SLC25A13: variants seen among roughly 807,000 people sequenced by gnomAD.
SLC25A13 encodes the protein solute carrier family 25 member 13.
A neutral mutation model predicts 85.5 loss-of-function variants in SLC25A13; 70 were observed. The observed-to-expected ratio is 0.82, with a 90% CI of 0.68 to 1.00. The LOEUF is 1.00. SLC25A13 is among the 50% of genes least tolerant of loss of function. The pLI, the probability that SLC25A13 is intolerant of heterozygous loss-of-function variation, is 0.00. For missense variants in SLC25A13, 765 were observed against 819.8 expected (o/e 0.93, Z 0.82); for synonymous variants, 259 against 288.7 (o/e 0.90, Z 1.04).
chr7:96,225,746 G>A (rs970536482), intron 4 of SLC25A13, among the ~76,000 whole-genome samples: 1 of 152,010 alleles, frequency 6.6e-6, no homozygotes, highest in Non-Finnish European at 1.5e-5. Context: ...TGCATCTTTG[G>A]TCACTCCTCT....
rs1002319858 is a variant in SLC25A13 at position 96,189,804 on chromosome 7, T to C, written c.755-130A>G. 7.9e-5 allele frequency: 65 copies of C among 824,296 alleles called. 1 individual carries two copies. Among genetic ancestry groups the C allele is most frequent in the South Asian group, 7.1e-4 (51 of 71,714 alleles). 51.1% of individuals were successfully genotyped at this position (824,296 alleles called of 1,614,324 possible). On this transcript the variant is annotated intron_variant, in intron 7 of 17. Coordinates refer to ENST00000265631, the MANE Select transcript of SLC25A13 (RefSeq NM_014251.3). ...ATTATCATCAGTTGTAGAATTCAAG[T>C]CAATCCAAATAAGGTAAGAATTTTT...
chr7:96,121,405 G>C, intron 17 of SLC25A13, 28 bp from the exon 18 acceptor site: 1 of 1,612,278 alleles, frequency 6.2e-7, no homozygotes, highest in South Asian at 1.1e-5. Flanking sequence ...AGAGTAAGAA[G>C]CTGTATTTTT....
chr7:96,157,377 A>C (rs770339543), intron 13 of SLC25A13, among the ~76,000 whole-genome samples: 1 of 152,184 alleles, frequency 6.6e-6, no homozygotes, highest in Admixed American at 6.5e-5. Context: ...ACATGCTTCT[A>C]TAAGCTTGAT....
chr7:96,138,520 C>T (rs1276203195), intron 14 of SLC25A13, among the ~76,000 whole-genome samples: 1 of 151,896 alleles, frequency 6.6e-6, no homozygotes, highest in Non-Finnish European at 1.5e-5. Context: ...CTCAGCCTCC[C>T]AAGTAGCTGG....
rs565061815 is a variant in SLC25A13, at chr7:96,308,517, G to A, written c.16-11566C>T. Among the ~76,000 whole-genome samples, 3 of 152,310 alleles carry A rather than the reference G, an allele frequency of 2.0e-5. No individual in the cohort carries two copies. In the South Asian group the frequency reaches 6.2e-4, roughly 32 times the overall value. On this transcript the variant is annotated intron_variant, in intron 1 of 17. Transcript: ENST00000265631. ...GGGGTTGAGCAACAAAAATTAAACT[G>A]GCTCCCTACCTTTCATCTTATACCA...
intron 14 of SLC25A13, 111 bp from the exon 15 acceptor site, chr7:96,131,992 T>G (rs1447433493): frequency 6.6e-6 from 9 of 1,362,066 alleles, no homozygotes; most frequent in Non-Finnish European, 8.3e-6. Context: ...AGACCAAATT[T>G]GTACTCACAC....
chr7:96,184,401 A>G lies in SLC25A13; in HGVS notation c.1053T>C (p.Leu351=). 2 of 1,614,200 alleles carry G rather than the reference A, an allele frequency of 1.2e-6. No homozygotes were observed. Among genetic ancestry groups the G allele is most frequent in the African/African-American group, 2.7e-5 (2 of 75,068 alleles). The part of the protein sequence containing the change: ...VGATAVYPID[L]VKTRMQNQRS... ...GTTGGTTCTGCATTCGAGTTTTTAC[A>G]AGATCGATAGGATACACAGCAGTGG... The change falls in exon 11 of 18, where the codon CTT becomes CTC. Residue 351 remains leucine (L), a synonymous_variant. Coordinates refer to ENST00000265631, the MANE Select transcript of SLC25A13 (RefSeq NM_014251.3).
At chr7:96,230,920 C>T (rs1377823574) in intron 4 of SLC25A13, among the ~76,000 whole-genome samples, 1 of 152,156 alleles carries the variant, frequency 6.6e-6, no homozygotes, top group Non-Finnish European at 1.5e-5. Context: ...ACCAGCTTCG[C>T]CAACATGGTG....
intron 1 of SLC25A13, chr7:96,306,696 A>C (rs1041230262): frequency 1.2e-6 from 1 of 829,484 alleles, no homozygotes; most frequent in Admixed American, 2.8e-5. Flanking sequence ...CAGCAGCCAA[A>C]CGGTGAGCTT....
At chr7:96,224,398 G>A (rs548495950) in intron 4 of SLC25A13, among the ~76,000 whole-genome samples, 6 of 152,184 alleles carry the variant, frequency 3.9e-5, no homozygotes, top group Non-Finnish European at 8.8e-5. Context: ...TGTCGTTGGT[G>A]CCCTGACAAC....
At chr7:96,189,243 G>C (rs776903352) in intron 9 of SLC25A13, 51 bp downstream of exon 9, 17 of 1,520,534 alleles carry the variant, frequency 1.1e-5, no homozygotes, top group Non-Finnish European at 1.5e-5. Context: ...ACAGGGTTGG[G>C]GTATCCTGCT....
chr7:96,215,435 A>T (rs1222053637), intron 4 of SLC25A13, among the ~76,000 whole-genome samples: 1 of 152,194 alleles, frequency 6.6e-6, no homozygotes, highest in Non-Finnish European at 1.5e-5. Context: ...TAGAGTAATC[A>T]AGACTATGTA....
At chr7:96,154,997 G>A (rs1793204636) in intron 13 of SLC25A13, among the ~76,000 whole-genome samples, 1 of 151,820 alleles carries the variant, frequency 6.6e-6, no homozygotes, top group South Asian at 2.1e-4. Context: ...GATAGGCTTC[G>A]CCATGTTGCC....
intron 2 of SLC25A13, among the ~76,000 whole-genome samples, chr7:96,290,233 T>A (rs1799062285): frequency 6.6e-6 from 1 of 152,076 alleles, no homozygotes; most frequent in Non-Finnish European, 1.5e-5. Context: ...GCTGAGAGAT[T>A]TTGTCAACAC....
intron 9 of SLC25A13, among the ~76,000 whole-genome samples, chr7:96,188,603 C>G (rs1431842967): frequency 6.6e-6 from 1 of 152,222 alleles, no homozygotes; most frequent in African/African-American, 2.4e-5. Context: ...TTTACTAACA[C>G]ATGCTATGAA....
intron 5 of SLC25A13, among the ~76,000 whole-genome samples, chr7:96,204,748 A>T (rs919166996): frequency 6.6e-6 from 1 of 152,136 alleles, no homozygotes; most frequent in African/African-American, 2.4e-5. Context: ...TTTTTACATT[A>T]TGAGTGTCTC....
At chr7:96,275,111 C>T (rs1458128621) in intron 3 of SLC25A13, among the ~76,000 whole-genome samples, 3 of 152,200 alleles carry the variant, frequency 2.0e-5, no homozygotes, top group Admixed American at 6.6e-5. Flanking sequence ...GCCATTTTCA[C>T]GACATTGATT....
intron 14 of SLC25A13, among the ~76,000 whole-genome samples, chr7:96,136,848 G>A (rs1288777385): frequency 1.3e-5 from 2 of 152,152 alleles, no homozygotes; most frequent in East Asian, 3.8e-4. Flanking sequence ...TGTCTAGCAC[G>A]GGGAAAATGC....
At position 96,193,094 on chromosome 7, in the gene SLC25A13, G is replaced by A. The variant is rs181615775; in HGVS notation, c.558C>T (p.Ile186=). Residue 186 remains isoleucine (I), a synonymous_variant, in exon 6 of 18, where the codon ATC becomes ATT. Coordinates refer to ENST00000265631, the MANE Select transcript of SLC25A13 (RefSeq NM_014251.3). ...AGACATGGGGGCGGATGGTGACCAT[G>A]ATGTCTCGGAAGTCGATGGCTGTGA... is the stretch of plus-strand genomic sequence containing the variant. ...GRVTAIDFRD[I]MVTIRPHVLT... The A allele has an allele frequency of 1.6e-5, 26 of 1,614,102 alleles. No homozygotes were observed. In the East Asian group the frequency reaches 5.8e-4, roughly 36 times the overall value.
Sources: gnomAD v4.1 joint callset for allele counts (sites outside exome capture counted in the v4.1 genomes callset) on GRCh38, gnomAD v4.1.1 for gene constraint, MANE v1.5 for transcripts, NCBI Gene and HGNC (gene_info 2026-07-23, HGNC 2026-07-21) for gene names.